CCSER1: variants seen among roughly 807,000 people sequenced by gnomAD.
CCSER1 encodes the protein coiled-coil serine rich protein 1.
Under a neutral mutation model 82.0 loss-of-function variants are expected in CCSER1, and 41 were observed. The observed-to-expected ratio is 0.50, with a 90% CI of 0.39 to 0.65. CCSER1 has a LOEUF of 0.65. Among genes scored for constraint, CCSER1 ranks in the 30% least tolerant of loss-of-function variants. The pLI, the probability that CCSER1 is intolerant of heterozygous loss-of-function variation, is 0.00. For missense variants in CCSER1, 1,119 were observed against 1,064.2 expected (o/e 1.05, Z -0.72); for synonymous variants, 414 against 383.9 (o/e 1.08, Z -0.92).
intron 10 of CCSER1, among the ~76,000 whole-genome samples, chr4:91,478,844 A>G (rs1276110998): frequency 1.1e-4 from 17 of 151,824 alleles, no homozygotes. Context: ...ATATATAAAA[A>G]TACTCATTAT....
intron 9 of CCSER1, among the ~76,000 whole-genome samples, chr4:91,034,829 A>G (rs559539393): frequency 2.0e-5 from 3 of 152,280 alleles, no homozygotes; most frequent in East Asian, 1.9e-4. Context: ...CATGGTAGGA[A>G]ATCAAAAAGT....
chr4:90,133,123 C>T (rs1333853523), intron 1 of CCSER1, among the ~76,000 whole-genome samples: 3 of 152,190 alleles, frequency 2.0e-5, no homozygotes, highest in Non-Finnish European at 2.9e-5. Context: ...AGAGTAAAAA[C>T]TGAAGGCTAT....
At chr4:90,599,028 G>T (rs537727036) in intron 5 of CCSER1, among the ~76,000 whole-genome samples, 10 of 152,260 alleles carry the variant, frequency 6.6e-5, no homozygotes, top group African/African-American at 2.4e-4. Context: ...GGCAGCTTGG[G>T]TCATGGGGTT....
At chr4:90,757,361 G>A (rs961086085) in intron 7 of CCSER1, among the ~76,000 whole-genome samples, 14 of 152,178 alleles carry the variant, frequency 9.2e-5, no homozygotes, top group African/African-American at 1.9e-4. Flanking sequence ...TGGAACTCCC[G>A]TATCATTCAG....
At chr4:90,283,322 ATTT>A (rs1729207556) in intron 1 of CCSER1, among the ~76,000 whole-genome samples, 1 of 151,750 alleles carries the variant, frequency 6.6e-6, no homozygotes, top group Admixed American at 6.6e-5. Context: ...AGTATATTTT[ATTT>A]TTTATTTGTA....
At chr4:90,748,361 T>C (rs1036568093) in intron 7 of CCSER1, among the ~76,000 whole-genome samples, 3 of 151,350 alleles carry the variant, frequency 2.0e-5, no homozygotes, top group African/African-American at 7.3e-5. Context: ...ACAAAGGACA[T>C]GAACTCATCA....
intron 10 of CCSER1, among the ~76,000 whole-genome samples, chr4:91,401,861 C>T (rs1180048804): frequency 2.0e-5 from 3 of 152,078 alleles, no homozygotes; most frequent in African/African-American, 4.8e-5. Context: ...AATAAACATA[C>T]GTGTGCATGT....
chr4:90,622,857 G>A (rs113137547), intron 5 of CCSER1, among the ~76,000 whole-genome samples: 4,168 of 152,006 alleles, frequency 0.027, 184 homozygotes, highest in African/African-American at 0.096. Flanking sequence ...CTTCCACAAT[G>A]GTTGAACTAG....
intron 10 of CCSER1, among the ~76,000 whole-genome samples, chr4:91,288,155 T>C (rs1251519915): frequency 2.8e-5 from 3 of 106,044 alleles, no homozygotes; most frequent in African/African-American, 1.0e-4. Flanking sequence ...CTCGTATATA[T>C]ATATATACAT....
intron 10 of CCSER1, among the ~76,000 whole-genome samples, chr4:91,151,261 G>A (rs977424068): frequency 2.0e-5 from 3 of 152,080 alleles, no homozygotes; most frequent in South Asian, 2.1e-4. Flanking sequence ...TTGCATAGAG[G>A]TGCTTATAGT....
rs969470687 is a variant in CCSER1 at position 90,564,067 on chromosome 4, A to G, written c.1725-63958A>G. On this transcript the variant is annotated intron_variant, in intron 5 of 10. Coordinates refer to ENST00000509176, the MANE Select transcript of CCSER1 (RefSeq NM_001145065.2). The stretch of plus-strand genomic sequence containing the variant: ...TGAGCATTTTCTCACATACCTATTG[A>G]TTTGTATGTCCTCTTTTGAGAAATA... Among the ~76,000 whole-genome samples, 5 of 152,132 alleles carry G rather than the reference A, an allele frequency of 3.3e-5. No homozygotes were observed. In the East Asian group the frequency reaches 7.7e-4, roughly 23 times the overall value.
At chr4:90,604,128 T>C (rs1427156956) in intron 5 of CCSER1, among the ~76,000 whole-genome samples, 1 of 152,176 alleles carries the variant, frequency 6.6e-6, no homozygotes, top group East Asian at 1.9e-4. Context: ...GGTGAACTAT[T>C]GAGGGGTAGA....
At chr4:91,360,829 C>A (rs1190710191) in intron 10 of CCSER1, among the ~76,000 whole-genome samples, 1 of 151,812 alleles carries the variant, frequency 6.6e-6, no homozygotes, top group African/African-American at 2.4e-5. Flanking sequence ...CTATTGAAAG[C>A]TAGGTTGCAC....
At chr4:90,251,308 T>C (rs921124039) in intron 1 of CCSER1, among the ~76,000 whole-genome samples, 2 of 151,952 alleles carry the variant, frequency 1.3e-5, no homozygotes, top group African/African-American at 4.8e-5. Flanking sequence ...TATTTTTTTC[T>C]AATTTTAGAT....
intron 8 of CCSER1, among the ~76,000 whole-genome samples, chr4:90,882,875 C>A (rs183031360): frequency 6.6e-6 from 1 of 151,952 alleles, no homozygotes; most frequent in Non-Finnish European, 1.5e-5. Context: ...AAAAGTATCA[C>A]AGAAATAGTA....
chr4:90,287,121 T>C (rs1345218085), intron 1 of CCSER1, among the ~76,000 whole-genome samples: 1 of 151,942 alleles, frequency 6.6e-6, no homozygotes, highest in African/African-American at 2.4e-5. Flanking sequence ...CATAGGACTT[T>C]GCTACTGCTC....
At chr4:91,521,058 C>T (rs72884604) in intron 10 of CCSER1, among the ~76,000 whole-genome samples, 6,362 of 152,132 alleles carry the variant, frequency 0.042, 276 homozygotes, top group African/African-American at 0.11. Context: ...TGACAGGCCC[C>T]GGTGTGTGAT....
At chr4:91,439,878 A>C (rs544678072) in intron 10 of CCSER1, among the ~76,000 whole-genome samples, 64 of 152,336 alleles carry the variant, frequency 4.2e-4, no homozygotes, top group African/African-American at 1.3e-3. Flanking sequence ...AGGCCATTAC[A>C]TAATGGTAAA....
At chr4:90,475,657 A>G (rs1446307754) in intron 5 of CCSER1, among the ~76,000 whole-genome samples, 4 of 152,174 alleles carry the variant, frequency 2.6e-5, no homozygotes, top group Admixed American at 1.3e-4. Context: ...TGAAAGCAGC[A>G]CCATCTAGGA....
Sources: gnomAD v4.1 joint callset for allele counts (sites outside exome capture counted in the v4.1 genomes callset) on GRCh38, gnomAD v4.1.1 for gene constraint, MANE v1.5 for transcripts, NCBI Gene and HGNC (gene_info 2026-07-23, HGNC 2026-07-21) for gene names.